DBNL: variants seen among roughly 807,000 people sequenced by gnomAD.
DBNL encodes the protein drebrin like, also known as drebrin-like protein.
In DBNL, 35 loss-of-function variants were observed where a neutral mutation model predicts 62.2. The observed-to-expected ratio is 0.56, with a 90% CI of 0.43 to 0.75. DBNL has a LOEUF of 0.75. Among genes scored for constraint, DBNL ranks in the 30% least tolerant of loss-of-function variants. DBNL has a pLI of 0.00. For synonymous variants in DBNL, 197 were observed against 218.0 expected, an observed-to-expected ratio of 0.90 and a Z score of 0.85; for missense variants, 495 against 578.4, an observed-to-expected ratio of 0.86 and a Z score of 1.48.
In DBNL at chr7:44,059,488, G is replaced by A. The variant is rs2096143967; in HGVS notation, c.931+39G>A. 6.2e-7 allele frequency: 1 copy of A among 1,613,406 alleles called. No homozygotes were observed. The highest frequency in any genetic ancestry group is 1.3e-5 in the African/African-American group (1 of 74,932). On this transcript the variant is annotated intron_variant, in intron 10 of 12. Coordinates refer to ENST00000448521, the MANE Select transcript of DBNL (RefSeq NM_001014436.3). This position sits in a 1 kb window ranked among gnomAD's most constrained non-coding sequence, Gnocchi z 4.1. ...CACCCCATGGGGACCCTGGGGGACA[G>A]CAGTGGAGAAGGGGGATGTGTGGGA...
At chr7:44,056,998 G>A in intron 5 of DBNL, 95 bp downstream of exon 5, 2 of 1,542,908 alleles carry the variant, frequency 1.3e-6, no homozygotes, top group Non-Finnish European at 1.8e-6. Flanking sequence ...GGCTGGCTGG[G>A]CCCATGCCTG....
intron 4 of DBNL, 74 bp from the exon 5 acceptor site, chr7:44,056,683 G>A (rs189114595): frequency 1.4e-5 from 23 of 1,595,162 alleles, no homozygotes; most frequent in Admixed American, 8.6e-5. Context: ...GGCCCGTGCT[G>A]TATGGACTGA....
Position 44,066,899 on chromosome 7 carries a change from CT to C in DBNL, c.*5986del. ...CACATCTCCTCATCTGCTTTTGTCCCTTTGACCAAGAGTTGATTCACTAGCC... is the reference window on the plus strand; with the variant it reads ...CACATCTCCTCATCTGCTTTTGTCCCTTGACCAAGAGTTGATTCACTAGCC... On this transcript the variant is annotated 3_prime_UTR_variant, in exon 13 of 13. Coordinates refer to ENST00000448521, the MANE Select transcript of DBNL (RefSeq NM_001014436.3). 1 of 152,512 alleles carries C rather than the reference CT, an allele frequency of 6.6e-6. No homozygotes were observed. 9.4% of individuals were successfully genotyped at this position (152,512 alleles called of 1,614,324 possible).
intron 1 of DBNL, 68 bp from the exon 2 acceptor site, chr7:44,050,157 G>T: frequency 6.4e-7 from 1 of 1,553,558 alleles, no homozygotes; most frequent in South Asian, 1.1e-5. Flanking sequence ...GGAAAGTCAT[G>T]GTGGATACGG....
chr7:44,067,028 CTA>C lies in DBNL; in HGVS notation c.*6113_*6114del. The C allele has an allele frequency of 6.6e-6, 1 of 152,512 alleles. No homozygotes were observed. Among genetic ancestry groups the C allele is most frequent in the African/African-American group, 2.4e-5 (1 of 41,420 alleles). 9.4% of individuals were successfully genotyped at this position (152,512 alleles called of 1,614,324 possible). A position where few individuals can be genotyped will look rare whatever the true frequency, so the allele number is the denominator to read the frequency against. On this transcript the variant is annotated 3_prime_UTR_variant, in exon 13 of 13. Transcript: ENST00000448521. ...GGATCGTACCAGCAGCTAAACATGC[CTA>C]CCGTAGATAGCACCAGATGCTAGGA...
rs73327490 is a variant in DBNL, at chr7:44,053,187, A to G, written c.327+246A>G. Among the ~76,000 whole-genome samples the G allele has an allele frequency of 9.3e-3, 1,410 of 152,298 alleles. 20 individuals carry two copies. The highest frequency in any genetic ancestry group is 0.032 in the African/African-American group (1,336 of 41,558). ...CCTCAGTGGGGCAGGATAAAGGACT[A>G]TGCTGGAGCTGGTGCCGTGAGAAGG... On this transcript the variant is annotated intron_variant, in intron 4 of 12. Coordinates refer to ENST00000448521, the MANE Select transcript of DBNL (RefSeq NM_001014436.3).
In DBNL at chr7:44,064,808, C is replaced by CCCCGCGA; in HGVS notation, c.*3893_*3894insCCGCGAC. On this transcript the variant is annotated 3_prime_UTR_variant, in exon 13 of 13. Coordinates refer to ENST00000448521, the MANE Select transcript of DBNL (RefSeq NM_001014436.3). ...TGGGGCTGCTGCCCACCCACCCTGC[C>CCCCGCGA]CAGGCTCCTGAAGGTGGCCTCACCT... 1 of 1,553,294 alleles carries CCCCGCGA rather than the reference C, an allele frequency of 6.4e-7. No individual in the cohort carries two copies. Among genetic ancestry groups the CCCCGCGA allele is most frequent in the Non-Finnish European group, 8.8e-7 (1 of 1,142,362 alleles).
rs770035346 is a variant in DBNL at position 44,059,669 on chromosome 7, A to C, written c.1047+11A>C. ...GAGCAGCCCCCACTGGTGGGTTCCT[A>C]CACTGGGGCTGGGGCCAGGAAGGGG... On this transcript the variant is annotated intron_variant, in intron 11 of 12. Coordinates refer to ENST00000448521, the MANE Select transcript of DBNL (RefSeq NM_001014436.3). This position sits in a 1 kb window ranked among gnomAD's most constrained non-coding sequence, Gnocchi z 4.1. 6.3e-7 allele frequency: 1 copy of C among 1,591,588 alleles called. No homozygotes were observed. Among genetic ancestry groups the C allele is most frequent in the East Asian group, 2.2e-5 (1 of 44,514 alleles).
In DBNL at chr7:44,060,984, G is replaced by A; in HGVS notation, c.*68G>A. The A allele has an allele frequency of 1.3e-6, 2 of 1,565,790 alleles. No individual in the cohort carries two copies. Among genetic ancestry groups the A allele is most frequent in the Non-Finnish European group, 1.7e-6 (2 of 1,155,540 alleles). On this transcript the variant is annotated 3_prime_UTR_variant, in exon 13 of 13. Transcript: ENST00000448521. The surrounding 1 kb of genome is among the most constrained non-coding windows in gnomAD (Gnocchi z 6.3). Reference sequence around the variant, plus strand: ...CCTTATTGCTGGAAGAGGAGGCCTGGGAGTTGACATTCAGCACTCTTCCAG... The same window carrying A: ...CCTTATTGCTGGAAGAGGAGGCCTGAGAGTTGACATTCAGCACTCTTCCAG...
Position 44,062,701 on chromosome 7 carries a change from A to G in DBNL, c.*1785A>G, listed in dbSNP as rs555376579. ...CAGCTGATGGCGGTGTGAGCCTGGC[A>G]TGCACGGCTGCGCTGGACTCCAGGC... On this transcript the variant is annotated 3_prime_UTR_variant, in exon 13 of 13. Coordinates refer to ENST00000448521, the MANE Select transcript of DBNL (RefSeq NM_001014436.3). 6.4e-6 allele frequency: 10 copies of G among 1,563,104 alleles called. No homozygotes were observed. The South Asian group carries it at 1.0e-4, about 16-fold the overall frequency.
Position 44,060,080 on chromosome 7 carries a change from T to C in DBNL, c.1080T>C (p.Ile360=). Residue 360 remains isoleucine (I), a synonymous_variant, in exon 12 of 13, where the codon ATT becomes ATC. Transcript: ENST00000448521. The surrounding 1 kb of genome is among the most constrained non-coding windows in gnomAD (Gnocchi z 6.3). ...AGCAAGGTGCTGGCTCTGAGCACATTGACCACCACATTCAGGGCCAGGGGC... is the reference window on the plus strand; with the variant it reads ...AGCAAGGTGCTGGCTCTGAGCACATCGACCACCACATTCAGGGCCAGGGGC... ...VQQQGAGSEH[I]DHHIQGQGLS... is the part of the protein sequence containing the mutation. The C allele has an allele frequency of 9.3e-6, 15 of 1,613,716 alleles. No individual in the cohort carries two copies. The highest frequency in any genetic ancestry group is 1.3e-5 in the Non-Finnish European group (15 of 1,179,900).
chr7:44,059,987 CAG>C lies in DBNL; in HGVS notation c.1048-58_1048-57del. 1 of 1,525,502 alleles carries C rather than the reference CAG, an allele frequency of 6.6e-7. No homozygotes were observed. Among genetic ancestry groups the C allele is most frequent in the Non-Finnish European group, 9.0e-7 (1 of 1,112,708 alleles). 94.5% of individuals were successfully genotyped at this position (1,525,502 alleles called of 1,614,324 possible). ...CCAGCTTGACCTGAGCCATGTGGGG[CAG>C]AGCAGCGATTGTGTGTAAGGGCTGA... On this transcript the variant is annotated intron_variant, in intron 11 of 12. Coordinates refer to ENST00000448521, the MANE Select transcript of DBNL (RefSeq NM_001014436.3). The surrounding 1 kb of genome is among the most constrained non-coding windows in gnomAD (Gnocchi z 4.1).
rs2096162065 is a variant in DBNL, at chr7:44,067,449, C to T, written c.*6533C>T. The T allele has an allele frequency of 6.6e-6, 1 of 152,168 alleles. No individual in the cohort carries two copies. Among genetic ancestry groups the T allele is most frequent in the Admixed American group, 6.5e-5 (1 of 15,282 alleles). The allele number at this position is 152,168 out of a possible 1,614,324, so 9.4% of individuals were successfully genotyped here. A position where few individuals can be genotyped will look rare whatever the true frequency, so the allele number is the denominator to read the frequency against. ...GGGTGCAGAAGCAGTGGCAAGGATC[C>T]CCCAGACCTGGGAGACCTCACTGCC... is the stretch of plus-strand genomic sequence containing the variant. On this transcript the variant is annotated 3_prime_UTR_variant, in exon 13 of 13. Coordinates refer to ENST00000448521, the MANE Select transcript of DBNL (RefSeq NM_001014436.3).
At position 44,059,906 on chromosome 7, in the gene DBNL, G is replaced by A. The variant is rs923630666; in HGVS notation, c.1048-142G>A. 5.1e-5 allele frequency: 43 copies of A among 851,352 alleles called. No homozygotes were observed. Among genetic ancestry groups the A allele is most frequent in the African/African-American group, 4.4e-4 (26 of 59,534 alleles). The allele number at this position is 851,352 out of a possible 1,614,324, so 52.7% of individuals were successfully genotyped here. A position where few individuals can be genotyped will look rare whatever the true frequency, so the allele number is the denominator to read the frequency against. On this transcript the variant is annotated intron_variant, in intron 11 of 12. Coordinates refer to ENST00000448521, the MANE Select transcript of DBNL (RefSeq NM_001014436.3). The surrounding 1 kb of genome is among the most constrained non-coding windows in gnomAD (Gnocchi z 4.1). ...TGTGGCTTCTGTACTCTGGTAGGGC[G>A]GGGACAGCAGCAGCCCAGCCCCCGA...
chr7:44,061,014 A>G lies in DBNL; in HGVS notation c.*98A>G, dbSNP rs1285359294. 1.8e-5 allele frequency: 27 copies of G among 1,476,544 alleles called. No individual in the cohort carries two copies. The highest frequency in any genetic ancestry group is 1.4e-4 in the African/African-American group (10 of 71,576). 91.5% of individuals were successfully genotyped at this position (1,476,544 alleles called of 1,614,324 possible). A position where few individuals can be genotyped will look rare whatever the true frequency, so the allele number is the denominator to read the frequency against. Reference sequence around the variant, plus strand: ...TGACATTCAGCACTCTTCCAGGAATAGGACCCCCAGTGAGGATGAGGCCTC... The same window carrying G: ...TGACATTCAGCACTCTTCCAGGAATGGGACCCCCAGTGAGGATGAGGCCTC... On this transcript the variant is annotated 3_prime_UTR_variant, in exon 13 of 13. Coordinates refer to ENST00000448521, the MANE Select transcript of DBNL (RefSeq NM_001014436.3).
Position 44,052,957 on chromosome 7 carries a change from G to T in DBNL, c.327+16G>T. On this transcript the variant is annotated intron_variant, in intron 4 of 12. Transcript: ENST00000448521. Reference sequence around the variant, plus strand: ...CTTCCTGAAGGTAAGGCCAGGTGAGGCCCGCTTCACTGGGAACAGGCCTCA... The same window carrying T: ...CTTCCTGAAGGTAAGGCCAGGTGAGTCCCGCTTCACTGGGAACAGGCCTCA... 1 of 1,609,312 alleles carries T rather than the reference G, an allele frequency of 6.2e-7. No individual in the cohort carries two copies. The highest frequency in any genetic ancestry group is 8.5e-7 in the Non-Finnish European group (1 of 1,178,996).
intron 2 of DBNL, 68 bp downstream of exon 2, chr7:44,050,348 A>G: frequency 6.4e-7 from 1 of 1,565,176 alleles, no homozygotes; most frequent in Non-Finnish European, 8.8e-7. Context: ...GGGTCAGCGC[A>G]CTCAGCTGTC....
Position 44,056,841 on chromosome 7 carries a change from G to T in DBNL, c.412G>T (p.Ala138Ser). Residue 138 changes from alanine (A) to serine (S), a missense_variant, in exon 5 of 13, where the codon GCC (alanine) becomes TCC (serine). Coordinates refer to ENST00000448521, the MANE Select transcript of DBNL (RefSeq NM_001014436.3). ...IMEKVAKASG[A>S]NYSFHKESGR... ...GGAGAAGGTGGCCAAGGCTTCAGGT[G>T]CCAACTACAGCTTTCACAAGGAGAG... The T allele has an allele frequency of 6.2e-7, 1 of 1,614,166 alleles. No individual in the cohort carries two copies. The highest frequency in any genetic ancestry group is 1.3e-5 in the African/African-American group (1 of 75,064).
chr7:44,063,257 C>T lies in DBNL; in HGVS notation c.*2341C>T. The T allele has an allele frequency of 2.5e-6, 1 of 398,838 alleles. No individual in the cohort carries two copies. Among genetic ancestry groups the T allele is most frequent in the Non-Finnish European group, 4.6e-6 (1 of 216,470 alleles). The allele number at this position is 398,838 out of a possible 1,614,324, so 24.7% of individuals were successfully genotyped here. Reference sequence around the variant, plus strand: ...GTTGAGGGTCAGGAAGGGACACTCACCCTTTGTTTTTTTTTTTTCTTTTCT... The same window carrying T: ...GTTGAGGGTCAGGAAGGGACACTCATCCTTTGTTTTTTTTTTTTCTTTTCT... On this transcript the variant is annotated 3_prime_UTR_variant, in exon 13 of 13. Transcript: ENST00000448521.
Sources: allele counts gnomAD v4.1 joint callset (sites outside exome capture counted in the v4.1 genomes callset), GRCh38; gene constraint gnomAD v4.1.1; non-coding constraint Gnocchi (gnomAD v3.1); transcripts MANE v1.5; gene names NCBI Gene and HGNC (gene_info 2026-07-23, HGNC 2026-07-21).